The following NLRP1 variants were observed in gnomAD, a reference collection of about 807,000 sequenced individuals.
NLRP1 encodes NLR family pyrin domain containing 1, also known as NACHT, LRR and PYD domains-containing protein 1.
A neutral mutation model predicts 136.7 loss-of-function variants in NLRP1; 94 were observed. That is an observed-to-expected ratio of 0.69 (90% CI 0.58 to 0.82). The LOEUF is 0.82. NLRP1 is among the 40% of genes least tolerant of loss of function. NLRP1 has a pLI of 0.00. For missense variants in NLRP1, 1,575 were observed against 1,802.7 expected (o/e 0.87, Z 2.29); for synonymous variants, 690 against 725.1 (o/e 0.95, Z 0.78).
At chr17:5,573,742 T>C (rs1330314984) in intron 3 of NLRP1, among the ~76,000 whole-genome samples, 1 of 152,240 alleles carries the variant, frequency 6.6e-6, no homozygotes, top group African/African-American at 2.4e-5. Flanking sequence ...CCAACAGACC[T>C]GCAGCTGAGG....
rs753157484 is a variant in NLRP1 at position 5,532,776 on chromosome 17, G to C, written c.3296+46C>G. On this transcript the variant is annotated intron_variant, in intron 11 of 16. Transcript: ENST00000572272. ...TCTGTGGGGACCCAGGATGGGCAGT[G>C]GGGTGCGGGAGGCCAGCCTGGGACC... The C allele has an allele frequency of 3.3e-6, 5 of 1,522,204 alleles. No individual in the cohort carries two copies. In the Admixed American group the frequency reaches 1.1e-4, roughly 33 times the overall value. 94.3% of individuals were successfully genotyped at this position (1,522,204 alleles called of 1,614,324 possible).
intron 12 of NLRP1, among the ~76,000 whole-genome samples, chr17:5,523,690 C>T (rs1281792515): frequency 2.0e-5 from 3 of 152,202 alleles, no homozygotes; most frequent in Admixed American, 2.0e-4. Context: ...CAGCTCCATC[C>T]CTGCATTGCC....
chr17:5,572,044 A>G (rs1904420958), intron 3 of NLRP1, among the ~76,000 whole-genome samples: 1 of 152,238 alleles, frequency 6.6e-6, no homozygotes, highest in African/African-American at 2.4e-5. Context: ...CTGGCTAGCC[A>G]TATGCAGAAG....
downstream of NLRP1, among the ~76,000 whole-genome samples, chr17:5,509,839 G>C (rs1405794060): frequency 6.6e-6 from 1 of 151,954 alleles, no homozygotes; most frequent in Non-Finnish European, 1.5e-5. Context: ...CTTTGACAGG[G>C]GTCCCTGTTC....
rs747487022 is a variant in NLRP1, at chr17:5,521,529, G to A, written c.3778C>T (p.Arg1260Trp). 13 of 1,612,930 alleles carry A rather than the reference G, an allele frequency of 8.1e-6. No individual in the cohort carries two copies. The highest frequency in any genetic ancestry group is 1.1e-5 in the Non-Finnish European group (13 of 1,179,400). ...LYLIPSDCSI[R>W]KAIDDLEMKF... is the part of the protein sequence containing the mutation. Reference sequence around the variant, plus strand: ...TTTCTGGCTCTTAGTGTCACCTTCCGAATGGAGCAGTCACTTGGGATCAGG... The same window carrying A: ...TTTCTGGCTCTTAGTGTCACCTTCCAAATGGAGCAGTCACTTGGGATCAGG... The change falls in exon 13 of 17, where the codon CGG (arginine) becomes TGG (tryptophan). Residue 1260 changes from arginine (R) to tryptophan (W), a missense_variant. Transcript: ENST00000572272.
chr17:5,518,021 C>T lies in NLRP1; in HGVS notation c.3916-134G>A, dbSNP rs567922162. ...TCCCTGTACTGAAATCAACCATCAC[C>T]TTCAGACATTGCTCTTTTCCCAATT... On this transcript the variant is annotated intron_variant, in intron 14 of 16. Transcript: ENST00000572272. The T allele has an allele frequency of 1.4e-5, 11 of 780,124 alleles. No homozygotes were observed. In the African/African-American group the frequency reaches 1.6e-4, roughly 11 times the overall value. 48.3% of individuals were successfully genotyped at this position (780,124 alleles called of 1,614,324 possible).
At chr17:5,530,932 T>C (rs1910154763) in intron 11 of NLRP1, among the ~76,000 whole-genome samples, 1 of 152,100 alleles carries the variant, frequency 6.6e-6, no homozygotes, top group Admixed American at 6.5e-5. Flanking sequence ...TAAGTAGGAG[T>C]AATTATAGCT....
At chr17:5,538,681 G>T (rs920982517) in intron 7 of NLRP1, among the ~76,000 whole-genome samples, 5 of 152,076 alleles carry the variant, frequency 3.3e-5, no homozygotes, top group African/African-American at 1.2e-4. Flanking sequence ...GGTCACTATT[G>T]TACCCCAAGG....
At position 5,517,894 on chromosome 17, in the gene NLRP1, A is replaced by G; in HGVS notation, c.3916-7T>C. ...GATAGCAGAGCTCCAGTTCCTGAAG[A>G]GGCAAAGAGTTGAGTTGCCACCCTG... On this transcript the variant is annotated splice_region_variant and splice_polypyrimidine_tract_variant and intron_variant, in intron 14 of 16. Coordinates refer to ENST00000572272, the MANE Select transcript of NLRP1 (RefSeq NM_033004.4). 1 of 1,613,816 alleles carries G rather than the reference A, an allele frequency of 6.2e-7. No homozygotes were observed. The highest frequency in any genetic ancestry group is 8.5e-7 in the Non-Finnish European group (1 of 1,179,936).
chr17:5,534,439 T>C (rs1370254410), intron 8 of NLRP1, among the ~76,000 whole-genome samples: 4 of 152,196 alleles, frequency 2.6e-5, no homozygotes, highest in Non-Finnish European at 5.9e-5. Context: ...CTGTGGTCCC[T>C]GTCTCTGTGA....
chr17:5,582,979 A>G (rs1479632066), intron 1 of NLRP1, 133 bp from the exon 2 acceptor site: 4 of 671,884 alleles, frequency 6.0e-6, no homozygotes, highest in Non-Finnish European at 1.0e-5. Context: ...GCCCTCTACA[A>G]CTTCCTCTAG....
downstream of NLRP1, among the ~76,000 whole-genome samples, chr17:5,513,700 C>A (rs1431967299): frequency 6.6e-6 from 1 of 152,072 alleles, no homozygotes; most frequent in African/African-American, 2.4e-5. Flanking sequence ...CCTTCTACAA[C>A]CTCTTAAGAT....
At chr17:5,516,333 T>A (rs1158474013) in intron 15 of NLRP1, among the ~76,000 whole-genome samples, 2 of 151,896 alleles carry the variant, frequency 1.3e-5, no homozygotes, top group African/African-American at 4.8e-5. Flanking sequence ...CTGAGGGAGG[T>A]GACTGGATGG....
At chr17:5,508,176 T>C (rs1026249008) in intron 15 of NLRP1, among the ~76,000 whole-genome samples, 2 of 150,802 alleles carry the variant, frequency 1.3e-5, no homozygotes, top group African/African-American at 4.9e-5. Flanking sequence ...TGTGCACCTG[T>C]AATCCCAGCT....
chr17:5,512,573 T>C (rs898040551), downstream of NLRP1: 13 of 524,640 alleles, frequency 2.5e-5, no homozygotes, highest in Non-Finnish European at 4.6e-5. Context: ...CTGCATGTGG[T>C]AAAGGAGATG....
Position 5,582,714 on chromosome 17 carries a change from C to T in NLRP1, c.404G>A (p.Arg135Lys). 1 of 1,614,172 alleles carries T rather than the reference C, an allele frequency of 6.2e-7. No individual in the cohort carries two copies. The highest frequency in any genetic ancestry group is 8.5e-7 in the Non-Finnish European group (1 of 1,180,024). The change falls in exon 2 of 17, where the codon AGG becomes AAG. Residue 135 changes from arginine (R) to lysine (K), a missense_variant. Coordinates refer to ENST00000572272, the MANE Select transcript of NLRP1 (RefSeq NM_033004.4). ...TGTGTCAGGCAGCTGTCTCAAAACCCTTCTCTCTGAGCCCTGGGTGCACCC... is the reference window on the plus strand; with the variant it reads ...TGTGTCAGGCAGCTGTCTCAAAACCTTTCTCTCTGAGCCCTGGGTGCACCC... Reference protein sequence around the residue: ...PAGCTQGSERRVLRQLPDTSG... With the variant: ...PAGCTQGSERKVLRQLPDTSG...
At chr17:5,519,881 G>A (rs144223230) in intron 14 of NLRP1, among the ~76,000 whole-genome samples, 6,194 of 110,600 alleles carry the variant, frequency 0.056, 175 homozygotes, top group Middle Eastern at 0.15. Flanking sequence ...TTTTGAGACA[G>A]AGTCTTGCTC....
intron 15 of NLRP1, among the ~76,000 whole-genome samples, chr17:5,507,745 C>T (rs8069831): frequency 0.28 from 42,691 of 151,528 alleles, 6,450 homozygotes; most frequent in African/African-American, 0.4. Context: ...GCAGGAGAAT[C>T]GCTTGAACTC....
At chr17:5,552,016 T>C (rs12947726) in intron 5 of NLRP1, among the ~76,000 whole-genome samples, 9,987 of 151,810 alleles carry the variant, frequency 0.066, 422 homozygotes, top group African/African-American at 0.11. Flanking sequence ...CTAAGGCAAT[T>C]GTCCTGCCTT....
Sources: gnomAD v4.1 joint callset for allele counts (sites outside exome capture counted in the v4.1 genomes callset) on GRCh38, gnomAD v4.1.1 for gene constraint, MANE v1.5 for transcripts, NCBI Gene and HGNC (gene_info 2026-07-23, HGNC 2026-07-21) for gene names.